The following SYBU variants were observed in gnomAD, a reference collection of about 807,000 sequenced individuals.
SYBU encodes the protein syntabulin.
A neutral mutation model predicts 35.9 loss-of-function variants in SYBU; 21 were observed. That is an observed-to-expected ratio of 0.58 (90% CI 0.41 to 0.84). SYBU has a LOEUF of 0.84. Ranked by LOEUF, SYBU falls within the 40% of genes least tolerant of loss-of-function variation. SYBU has a pLI of 0.00. For missense variants in SYBU, 768 were observed against 848.2 expected, an observed-to-expected ratio of 0.91 and a Z score of 1.17; for synonymous variants, 319 against 324.3, an observed-to-expected ratio of 0.98 and a Z score of 0.18.
chr8:109,647,850 A>C (rs1381962061), upstream of SYBU: 6 of 152,222 alleles, frequency 3.9e-5, no homozygotes, highest in African/African-American at 1.4e-4. Context: ...AACCTAGCAG[A>C]GGGAAAGGCT....
chr8:109,616,364 T>C (rs1811792644), intron 3 of SYBU, among the ~76,000 whole-genome samples: 1 of 152,194 alleles, frequency 6.6e-6, no homozygotes, highest in Admixed American at 6.5e-5. Context: ...CTCATCAAGA[T>C]GAGTGGCTGC....
At chr8:109,665,218 T>A (rs28465493) in intron 1 of SYBU, among the ~76,000 whole-genome samples, 15,894 of 152,246 alleles carry the variant, frequency 0.1, 2,306 homozygotes, top group African/African-American at 0.32. Flanking sequence ...TATTTCGGTA[T>A]GTAACAATAT....
chr8:109,644,281 A>G lies in SYBU; in HGVS notation c.24+355T>C, dbSNP rs181122296. 630 of 512,064 alleles carry G rather than the reference A, an allele frequency of 1.2e-3. 1 individual carries two copies. The highest frequency in any genetic ancestry group is 2.0e-3 in the Non-Finnish European group (516 of 263,352). 31.7% of individuals were successfully genotyped at this position (512,064 alleles called of 1,614,324 possible). On this transcript the variant is annotated intron_variant, in intron 1 of 6. Coordinates refer to ENST00000276646, the MANE Select transcript of SYBU (RefSeq NM_001099754.2). ...GCAGACCCTGAGCTAAGGCAGGGTC[A>G]CTGACACGCGGGAGTCCTCTTTTCC...
upstream of SYBU, chr8:109,645,414 C>G (rs10106169): frequency 0.062 from 27,276 of 440,656 alleles, 4,027 homozygotes; most frequent in African/African-American, 0.39. Context: ...AGCGCAGCTC[C>G]CTCCGGCTTG....
At chr8:109,625,296 G>C (rs1812867655) in intron 2 of SYBU, among the ~76,000 whole-genome samples, 1 of 152,174 alleles carries the variant, frequency 6.6e-6, no homozygotes, top group African/African-American at 2.4e-5. Flanking sequence ...AAGCACATGA[G>C]AGTTCACTGC....
chr8:109,678,589 C>T (rs763256247), intron 1 of SYBU, among the ~76,000 whole-genome samples: 17 of 151,808 alleles, frequency 1.1e-4, no homozygotes, highest in South Asian at 2.1e-4. Context: ...TACAGGTGTG[C>T]GCCACCATGC....
At chr8:109,590,407 GGT>G (rs998691155) in intron 3 of SYBU, among the ~76,000 whole-genome samples, 89 of 111,632 alleles carry the variant, frequency 8.0e-4, no homozygotes, top group African/African-American at 4.7e-3. Context: ...TACATATACA[GGT>G]GTTTTTTTTT....
chr8:109,642,937 A>T lies in SYBU; in HGVS notation c.25-5T>A. On this transcript the variant is annotated splice_region_variant and splice_polypyrimidine_tract_variant and intron_variant, in intron 1 of 6. Coordinates refer to ENST00000276646, the MANE Select transcript of SYBU (RefSeq NM_001099754.2). ...ATGCTGCACTCTGTGCTCCTTCTCA[A>T]AATTGGACATCAAAAAAGAAAACAA... is the stretch of plus-strand genomic sequence containing the variant. The T allele has an allele frequency of 3.4e-6, 5 of 1,466,560 alleles. No homozygotes were observed. The highest frequency in any genetic ancestry group is 4.5e-6 in the Non-Finnish European group (5 of 1,103,422). 90.8% of individuals were successfully genotyped at this position (1,466,560 alleles called of 1,614,324 possible).
intron 2 of SYBU, among the ~76,000 whole-genome samples, chr8:109,631,066 A>G (rs6469270): frequency 0.29 from 43,370 of 152,072 alleles, 6,643 homozygotes; most frequent in East Asian, 0.41. Flanking sequence ...AGATTTGCCA[A>G]TGTGGTCACT....
intron 3 of SYBU, among the ~76,000 whole-genome samples, chr8:109,610,460 C>T (rs1811048437): frequency 6.6e-6 from 1 of 152,230 alleles, no homozygotes; most frequent in Non-Finnish European, 1.5e-5. Context: ...TTCCTTTAGA[C>T]TCCTTCAGAG....
At chr8:109,632,320 C>A (rs961963856) in intron 2 of SYBU, among the ~76,000 whole-genome samples, 3 of 152,188 alleles carry the variant, frequency 2.0e-5, no homozygotes, top group African/African-American at 7.2e-5. Flanking sequence ...GGATTACAGG[C>A]ATGAGCCACC....
At chr8:109,579,732 CT>C in intron 5 of SYBU, 66 bp downstream of exon 5, 1 of 1,402,074 alleles carries the variant, frequency 7.1e-7, no homozygotes, top group Non-Finnish European at 9.9e-7. Flanking sequence ...TTTTTTTTTT[CT>C]TTTTTAAAGA....
In SYBU at chr8:109,575,278, C is replaced by T. The variant is rs1192294369; in HGVS notation, c.1620G>A (p.Val540=). ...TTGGATTTCTTGGAGTTAAATCAAC[C>T]ACTAAGGCAGAGAGGGACTCTGGGA... ...ESFPESLSAL[V]VDLTPRNPNS... is the part of the protein sequence containing the mutation. Residue 540 remains valine (V), a synonymous_variant, in exon 7 of 7, where the codon GTG becomes GTA. Coordinates refer to ENST00000276646, the MANE Select transcript of SYBU (RefSeq NM_001099754.2). 6.2e-7 allele frequency: 1 copy of T among 1,614,182 alleles called. No individual in the cohort carries two copies.
chr8:109,655,230 C>A (rs1816306788), intron 1 of SYBU, among the ~76,000 whole-genome samples: 1 of 152,224 alleles, frequency 6.6e-6, no homozygotes. Flanking sequence ...GTTCCTTTTG[C>A]CTTTCGGGTA....
At chr8:109,673,222 C>T (rs908809064) in intron 1 of SYBU, among the ~76,000 whole-genome samples, 20 of 152,144 alleles carry the variant, frequency 1.3e-4, no homozygotes, top group Non-Finnish European at 2.4e-4. Flanking sequence ...TCCTGACCCC[C>T]GTGCCTCCTG....
chr8:109,644,856 C>A, upstream of SYBU: 16 of 557,498 alleles, frequency 2.9e-5, no homozygotes, highest in South Asian at 3.9e-4. Context: ...CCGCCCCGGC[C>A]GGACACGTGG....
intron 2 of SYBU, among the ~76,000 whole-genome samples, chr8:109,634,458 T>C (rs957642758): frequency 1.4e-4 from 21 of 152,210 alleles, no homozygotes; most frequent in African/African-American, 5.1e-4. Context: ...TTTCCCCAAC[T>C]ACTAAGATAG....
At position 109,575,644 on chromosome 8, in the gene SYBU, C is replaced by T; in HGVS notation, c.1254G>A (p.Glu418=). Reference sequence around the variant, plus strand: ...TGTCAGCCCCTTCCCCCGTGACCTGCTCTTCCAGAGATAACCCATCTGCCA... The same window carrying T: ...TGTCAGCCCCTTCCCCCGTGACCTGTTCTTCCAGAGATAACCCATCTGCCA... ...DTMADGLSLE[E]QVTGEGADRE... The change falls in exon 7 of 7, where the codon GAG becomes GAA. Residue 418 remains glutamate (E), a synonymous_variant. Coordinates refer to ENST00000276646, the MANE Select transcript of SYBU (RefSeq NM_001099754.2). 5.6e-6 allele frequency: 9 copies of T among 1,614,126 alleles called. No individual in the cohort carries two copies. Among genetic ancestry groups the T allele is most frequent in the Non-Finnish European group, 7.6e-6 (9 of 1,180,022 alleles).
At chr8:109,592,228 T>G (rs1824364683) in intron 3 of SYBU, among the ~76,000 whole-genome samples, 1 of 152,190 alleles carries the variant, frequency 6.6e-6, no homozygotes, top group East Asian at 1.9e-4. Flanking sequence ...TACTCATACA[T>G]TTTTATAATT....
Sources: allele counts gnomAD v4.1 joint callset (sites outside exome capture counted in the v4.1 genomes callset), GRCh38; gene constraint gnomAD v4.1.1; transcripts MANE v1.5; gene names NCBI Gene and HGNC (gene_info 2026-07-23, HGNC 2026-07-21).